The following DLGAP1 variants were observed in gnomAD, a reference collection of about 807,000 sequenced individuals.
DLGAP1 encodes disks large-associated protein 1.
DLGAP1 carries 11 observed loss-of-function variants against 90.8 expected under a neutral mutation model. That is an observed-to-expected ratio of 0.12 (90% confidence interval 0.08 to 0.20). The LOEUF is 0.20. Ranked by LOEUF, DLGAP1 falls within the 10% of genes least tolerant of loss-of-function variation. The pLI, the probability that DLGAP1 is intolerant of heterozygous loss-of-function variation, is 1.00. For synonymous variants in DLGAP1, 558 were observed against 540.7 expected, an observed-to-expected ratio of 1.03 and a Z score of -0.44; for missense variants, 1,050 against 1,333.8, an observed-to-expected ratio of 0.79 and a Z score of 3.31.
chr18:4,433,049 G>A (rs1036099195), intron 1 of DLGAP1, among the ~76,000 whole-genome samples: 1 of 152,164 alleles, frequency 6.6e-6, no homozygotes, highest in African/African-American at 2.4e-5. Context: ...CCCCTCTGGG[G>A]ATTCAGCAGA....
At chr18:4,253,047 A>T (rs2078816180) in intron 1 of DLGAP1, among the ~76,000 whole-genome samples, 2 of 152,216 alleles carry the variant, frequency 1.3e-5, no homozygotes, top group Non-Finnish European at 2.9e-5. Context: ...AAACACAGGC[A>T]ATTGCTGCAG....
chr18:4,190,191 AAG>A (rs769609206), intron 1 of DLGAP1, among the ~76,000 whole-genome samples: 15 of 152,160 alleles, frequency 9.9e-5, no homozygotes, highest in Non-Finnish European at 2.1e-4. Flanking sequence ...ATGTGAAAAA[AAG>A]AGCTATCAAG....
chr18:3,979,666 T>C (rs2073681830), intron 3 of DLGAP1, among the ~76,000 whole-genome samples: 1 of 152,224 alleles, frequency 6.6e-6, no homozygotes, highest in East Asian at 1.9e-4. Flanking sequence ...CAGTTAAGCA[T>C]AATGTTTATT....
At chr18:3,835,855 T>C (rs1381250457) in intron 4 of DLGAP1, among the ~76,000 whole-genome samples, 3 of 152,134 alleles carry the variant, frequency 2.0e-5, no homozygotes, top group Non-Finnish European at 4.4e-5. Flanking sequence ...TCCCTTCCAA[T>C]TATGTAGTGC....
chr18:3,953,274 C>G (rs2073023782), intron 3 of DLGAP1, among the ~76,000 whole-genome samples: 1 of 152,144 alleles, frequency 6.6e-6, no homozygotes, highest in South Asian at 2.1e-4. Flanking sequence ...TCAGCATACC[C>G]ATCACCCAAA....
chr18:3,650,461 AAAAG>A (rs1423914993), intron 7 of DLGAP1, among the ~76,000 whole-genome samples: 2 of 152,200 alleles, frequency 1.3e-5, no homozygotes, highest in African/African-American at 4.8e-5. Flanking sequence ...CTGTCTCTAC[AAAAG>A]AAAGAAAGAA....
At chr18:3,674,313 G>GTA (rs1567942260) in intron 7 of DLGAP1, among the ~76,000 whole-genome samples, 1 of 81,004 alleles carries the variant, frequency 1.2e-5, no homozygotes, top group African/African-American at 3.9e-5. Flanking sequence ...ATATATATAT[G>GTA]TATATTTTAA....
chr18:3,586,889 T>C (rs146769776), intron 7 of DLGAP1, among the ~76,000 whole-genome samples: 84 of 151,800 alleles, frequency 5.5e-4, no homozygotes, highest in African/African-American at 2.0e-3. Flanking sequence ...ACTGAGAAGG[T>C]CTGAGCACCA....
chr18:4,091,839 C>A (rs1022363856), intron 2 of DLGAP1, among the ~76,000 whole-genome samples: 1 of 151,922 alleles, frequency 6.6e-6, no homozygotes, highest in African/African-American at 2.4e-5. Context: ...CTTGATAGTT[C>A]CAATATCTAG....
At chr18:4,066,722 T>C (rs1464848511) in intron 2 of DLGAP1, among the ~76,000 whole-genome samples, 1 of 152,000 alleles carries the variant, frequency 6.6e-6, no homozygotes, top group Non-Finnish European at 1.5e-5. Flanking sequence ...TTTTACACTG[T>C]TGGGGGGGTG....
intron 2 of DLGAP1, among the ~76,000 whole-genome samples, chr18:4,037,239 G>T (rs183697521): frequency 6.6e-6 from 1 of 152,104 alleles, no homozygotes; most frequent in African/African-American, 2.4e-5. Flanking sequence ...ATATCATTCC[G>T]CTGCTGACTA....
intron 3 of DLGAP1, chr18:3,895,830 G>C (rs1163782395): frequency 6.6e-6 from 1 of 152,190 alleles, no homozygotes; most frequent in Non-Finnish European, 1.5e-5. Context: ...TCCACAGTTA[G>C]AGGCTCCTGA....
chr18:4,073,648 C>T (rs2075482604), intron 2 of DLGAP1, among the ~76,000 whole-genome samples: 1 of 152,000 alleles, frequency 6.6e-6, no homozygotes, highest in Admixed American at 6.6e-5. Flanking sequence ...TCTTTACCTA[C>T]AAAAAACTAA....
chr18:4,381,642 T>A (rs1361694620), intron 1 of DLGAP1, among the ~76,000 whole-genome samples: 1 of 152,134 alleles, frequency 6.6e-6, no homozygotes, highest in African/African-American at 2.4e-5. Context: ...TCCTTTGACA[T>A]TTAACCTTCC....
Position 3,726,888 on chromosome 18 carries a change from G to C in DLGAP1, c.1591+2247C>G, listed in dbSNP as rs569220374. Among the ~76,000 whole-genome samples the C allele has an allele frequency of 2.1e-4, 32 of 152,312 alleles. No individual in the cohort carries two copies. The South Asian group carries it at 6.6e-3, about 32-fold the overall frequency. On this transcript the variant is annotated intron_variant, in intron 7 of 12. Coordinates refer to ENST00000315677, the MANE Select transcript of DLGAP1 (RefSeq NM_004746.4). ...TTAGGATAAGATTCATAGAGTCCAA[G>C]AAGGAGCAAATGCGATCCCCTCTGT...
Position 4,383,625 on chromosome 18 carries a change from AACTGCT to A in DLGAP1, c.-267+71375_-267+71380del, listed in dbSNP as rs1281135717. On this transcript the variant is annotated intron_variant, in intron 1 of 12. Coordinates refer to ENST00000315677, the MANE Select transcript of DLGAP1 (RefSeq NM_004746.4). This position sits in a 1 kb window ranked among gnomAD's most constrained non-coding sequence, Gnocchi z 4.0. ...ATGTTTACCTATGAGAATCAAGTAG[AACTGCT>A]TTCTGACTATGCTATGTAGAATGCG... 6.6e-6 allele frequency among the ~76,000 whole-genome samples: 1 copy of A among 152,114 alleles called. No individual in the cohort carries two copies. The highest frequency in any genetic ancestry group is 1.5e-5 in the Non-Finnish European group (1 of 67,992).
At chr18:3,723,503 G>A (rs1328467292) in intron 7 of DLGAP1, among the ~76,000 whole-genome samples, 1 of 152,006 alleles carries the variant, frequency 6.6e-6, no homozygotes, top group East Asian at 1.9e-4. Context: ...TGCCTGCTGT[G>A]TGTATTGCAA....
chr18:3,554,859 G>T (rs1210317410), intron 9 of DLGAP1, among the ~76,000 whole-genome samples: 1 of 152,054 alleles, frequency 6.6e-6, no homozygotes, highest in Non-Finnish European at 1.5e-5. Context: ...GAGTCCCTTG[G>T]CCTCTTACAA....
chr18:4,404,169 G>T (rs1204643470), intron 1 of DLGAP1, among the ~76,000 whole-genome samples: 1 of 152,122 alleles, frequency 6.6e-6, no homozygotes, highest in African/African-American at 2.4e-5. Context: ...ACAGTTTGTT[G>T]TTTTTATAAC....
Sources: allele counts gnomAD v4.1 joint callset (sites outside exome capture counted in the v4.1 genomes callset), GRCh38; gene constraint gnomAD v4.1.1; non-coding constraint Gnocchi (gnomAD v3.1); transcripts MANE v1.5; gene names NCBI Gene and HGNC (gene_info 2026-07-23, HGNC 2026-07-21).